The following RPS6KC1 variants were observed in gnomAD, a reference collection of about 807,000 sequenced individuals.
RPS6KC1 encodes the protein inactive ribosomal protein S6 kinase delta-1.
Under a neutral mutation model 103.8 loss-of-function variants are expected in RPS6KC1, and 54 were observed. The observed-to-expected ratio is 0.52, with a 90% CI of 0.42 to 0.65. The LOEUF (loss-of-function observed/expected upper bound fraction) is 0.65. Ranked by LOEUF, RPS6KC1 falls within the 30% of genes least tolerant of loss-of-function variation. The pLI is 0.00. For synonymous variants in RPS6KC1, 439 were observed against 438.7 expected, an observed-to-expected ratio of 1.00 and a Z score of -0.01; for missense variants, 1,151 against 1,253.8, an observed-to-expected ratio of 0.92 and a Z score of 1.24.
chr1:213,587,774 A>G, the RPS6KC1 span, among the ~76,000 whole-genome samples: 1 of 152,310 alleles, frequency 6.6e-6, no homozygotes, highest in South Asian at 2.1e-4. Context: ...TCCTCCTGCA[A>G]GAAGGCAAAA....
intron 3 of RPS6KC1, among the ~76,000 whole-genome samples, chr1:213,082,582 A>G (rs2080003998): frequency 6.6e-6 from 1 of 152,268 alleles, no homozygotes; most frequent in Non-Finnish European, 1.5e-5. Flanking sequence ...GTTTAGCAAC[A>G]CTGTTGCCTA....
At chr1:213,104,004 A>G (rs752069205) in intron 3 of RPS6KC1, among the ~76,000 whole-genome samples, 2 of 152,166 alleles carry the variant, frequency 1.3e-5, no homozygotes, top group Non-Finnish European at 2.9e-5. Flanking sequence ...TTTTGACCCC[A>G]CTAATAATAC....
chr1:213,081,285 C>T (rs895274687), intron 3 of RPS6KC1, among the ~76,000 whole-genome samples: 1 of 152,090 alleles, frequency 6.6e-6, no homozygotes, highest in Non-Finnish European at 1.5e-5. Flanking sequence ...TAGGAAGGAC[C>T]TCAGATTGCT....
chr1:213,404,648 A>G, the RPS6KC1 span, among the ~76,000 whole-genome samples: 122 of 152,232 alleles, frequency 8.0e-4, no homozygotes, highest in African/African-American at 2.9e-3. Context: ...TGTTTAATTG[A>G]CTATTCACTT....
At chr1:213,488,131 C>T in the RPS6KC1 span, among the ~76,000 whole-genome samples, 1 of 152,248 alleles carries the variant, frequency 6.6e-6, no homozygotes. Flanking sequence ...GTCACCTAAA[C>T]AATCCCTATC....
chr1:213,729,423 C>A, the RPS6KC1 span, among the ~76,000 whole-genome samples: 1 of 152,168 alleles, frequency 6.6e-6, no homozygotes. Context: ...AACAAGGGAT[C>A]AAGAACTGTA....
the RPS6KC1 span, among the ~76,000 whole-genome samples, chr1:213,337,946 G>C: frequency 6.6e-6 from 1 of 152,132 alleles, no homozygotes; most frequent in African/African-American, 2.4e-5. Flanking sequence ...CAGGGCTAGT[G>C]AGGGGTGAGG....
At chr1:213,656,696 C>A in the RPS6KC1 span, among the ~76,000 whole-genome samples, 3 of 152,202 alleles carry the variant, frequency 2.0e-5, no homozygotes, top group African/African-American at 7.2e-5. Flanking sequence ...TTCTTATGCA[C>A]TCCACTTCAC....
chr1:213,766,666 C>T, the RPS6KC1 span, among the ~76,000 whole-genome samples: 3 of 152,156 alleles, frequency 2.0e-5, no homozygotes, highest in African/African-American at 4.8e-5. Context: ...ACTGTTTCCT[C>T]ATGCTTCAGA....
intron 1 of RPS6KC1, among the ~76,000 whole-genome samples, chr1:213,053,779 C>G (rs371184298): frequency 1.3e-5 from 2 of 151,702 alleles, no homozygotes; most frequent in South Asian, 4.2e-4. Context: ...ATTGGAAGCA[C>G]TGAGTATAAT....
the RPS6KC1 span, among the ~76,000 whole-genome samples, chr1:213,400,923 T>G: frequency 5.9e-5 from 9 of 152,236 alleles, no homozygotes; most frequent in Admixed American, 5.2e-4. Flanking sequence ...GCCAGGCTGG[T>G]CTCGAACTCC....
intron 8 of RPS6KC1, among the ~76,000 whole-genome samples, chr1:213,216,405 C>A (rs1346120292): frequency 6.6e-6 from 1 of 152,138 alleles, no homozygotes. Flanking sequence ...GACTTAGACT[C>A]CCACACAATA....
At chr1:213,596,941 G>A in the RPS6KC1 span, among the ~76,000 whole-genome samples, 16 of 152,306 alleles carry the variant, frequency 1.1e-4, no homozygotes, top group Admixed American at 9.8e-4. Context: ...CCATGTGGAC[G>A]GAGTCACTGT....
the RPS6KC1 span, among the ~76,000 whole-genome samples, chr1:213,332,372 G>A: frequency 6.6e-6 from 1 of 152,206 alleles, no homozygotes; most frequent in African/African-American, 2.4e-5. Flanking sequence ...TGCACTAGCT[G>A]TCATTTTGAA....
intron 3 of RPS6KC1, among the ~76,000 whole-genome samples, chr1:213,092,467 C>T (rs1483203062): frequency 3.3e-5 from 5 of 151,862 alleles, no homozygotes; most frequent in African/African-American, 4.8e-5. Context: ...GTCAGGAGAT[C>T]GAGACAATCC....
the RPS6KC1 span, among the ~76,000 whole-genome samples, chr1:213,363,757 CTCTTCTTTCTTT>C: frequency 4.0e-4 from 24 of 60,414 alleles, 4 homozygotes; most frequent in Non-Finnish European, 5.8e-4. Flanking sequence ...TTCTCTTTCT[CTCTTCTTTCTTT>C]CTTTCTTTCT....
chr1:213,446,525 G>C, the RPS6KC1 span, among the ~76,000 whole-genome samples: 1 of 152,144 alleles, frequency 6.6e-6, no homozygotes, highest in Non-Finnish European at 1.5e-5. Context: ...GGCTTTCAAG[G>C]ATTAGATGAG....
the RPS6KC1 span, among the ~76,000 whole-genome samples, chr1:213,709,400 C>A: frequency 6.6e-6 from 1 of 152,188 alleles, no homozygotes; most frequent in Non-Finnish European, 1.5e-5. Flanking sequence ...GTGATATCCT[C>A]TTTATCATTT....
chr1:213,812,888 C>T, the RPS6KC1 span, among the ~76,000 whole-genome samples: 2 of 152,128 alleles, frequency 1.3e-5, no homozygotes, highest in Non-Finnish European at 2.9e-5. Context: ...CATCATCGGA[C>T]AGTTGAGTTG....
Sources: gnomAD v4.1 joint callset for allele counts (sites outside exome capture counted in the v4.1 genomes callset) on GRCh38, gnomAD v4.1.1 for gene constraint, MANE v1.5 for transcripts, NCBI Gene and HGNC (gene_info 2026-07-23, HGNC 2026-07-21) for gene names.